EPB41: variants seen among roughly 807,000 people sequenced by gnomAD.
EPB41 encodes the protein protein 4.1.
In EPB41, 65 loss-of-function variants were observed where a neutral mutation model predicts 108.0. That is an observed-to-expected ratio of 0.60 (90% CI 0.49 to 0.74). The LOEUF is 0.74. EPB41 is among the 30% of genes least tolerant of loss of function. The probability of loss-of-function intolerance (pLI) is 0.00; values close to 1 mark genes in which losing one functional copy is unlikely to be tolerated. For missense variants in EPB41, 875 were observed against 1,037.0 expected (o/e 0.84, Z 2.15); for synonymous variants, 336 against 358.9 (o/e 0.94, Z 0.72).
chr1:28,910,826 C>T (rs2092213627), upstream of EPB41, among the ~76,000 whole-genome samples: 1 of 151,968 alleles, frequency 6.6e-6, no homozygotes, highest in South Asian at 2.1e-4. Context: ...CCTGTATTCC[C>T]TAGGAAGGAA....
At chr1:28,891,419 G>T (rs2090102091) in intron 1 of EPB41, among the ~76,000 whole-genome samples, 1 of 152,180 alleles carries the variant, frequency 6.6e-6, no homozygotes. Context: ...GTACCCCAGA[G>T]ACTGAAGGGA....
intron 7 of EPB41, among the ~76,000 whole-genome samples, chr1:29,021,706 CTGAG>C (rs1347062978): frequency 6.6e-6 from 1 of 151,952 alleles, no homozygotes; most frequent in African/African-American, 2.4e-5. Flanking sequence ...CCTCGGCCTC[CTGAG>C]TATCTGGGAC....
intron 2 of EPB41, among the ~76,000 whole-genome samples, chr1:28,991,085 T>C (rs531729336): frequency 2.0e-5 from 3 of 151,924 alleles, no homozygotes; most frequent in African/African-American, 7.2e-5. Flanking sequence ...AAAGGTTTAT[T>C]TGCCTAACCA....
intron 2 of EPB41, chr1:28,989,548 A>G (rs2095956756): frequency 4.6e-6 from 1 of 216,544 alleles, no homozygotes; most frequent in Non-Finnish European, 7.9e-6. Flanking sequence ...TCTTATTAGA[A>G]TATTACATGT....
chr1:29,062,276 C>A (rs1157303521), intron 15 of EPB41, among the ~76,000 whole-genome samples: 1 of 152,198 alleles, frequency 6.6e-6, no homozygotes, highest in African/African-American at 2.4e-5. Flanking sequence ...TATTTCCTGA[C>A]TAGTTCGTCT....
At chr1:28,912,185 T>A (rs1261786273), upstream of EPB41, among the ~76,000 whole-genome samples, 1 of 152,234 alleles carries the variant, frequency 6.6e-6, no homozygotes, top group East Asian at 1.9e-4. Context: ...GAGCGTATAC[T>A]GTTCTGGGAG....
At chr1:28,971,184 T>C (rs796562968) in intron 1 of EPB41, among the ~76,000 whole-genome samples, 71 of 125,508 alleles carry the variant, frequency 5.7e-4, no homozygotes, top group South Asian at 2.8e-3. Context: ...TTCTTTCTTT[T>C]TTTTTTTTTT....
At chr1:29,070,647 A>G in intron 16 of EPB41, 2 of 1,231,994 alleles carry the variant, frequency 1.6e-6, no homozygotes, top group Non-Finnish European at 2.0e-6. Flanking sequence ...TGAAATGTCA[A>G]GACCATTGAA....
intron 4 of EPB41, among the ~76,000 whole-genome samples, chr1:29,001,756 C>G (rs1237037515): frequency 6.6e-6 from 1 of 152,160 alleles, no homozygotes; most frequent in Admixed American, 6.5e-5. Flanking sequence ...TTTTGTTCGT[C>G]TCCCTCCTCC....
In EPB41 at chr1:28,887,777, C is replaced by T. The variant is rs373820941; in HGVS notation, c.-8+567C>T. 3.8e-4 allele frequency: 288 copies of T among 765,838 alleles called. 6 individuals carry two copies. In the East Asian group the frequency reaches 0.021, roughly 57 times the overall value. The allele number at this position is 765,838 out of a possible 1,614,324, so 47.4% of individuals were successfully genotyped here. A position where few individuals can be genotyped will look rare whatever the true frequency, so the allele number is the denominator to read the frequency against. On this transcript the variant is annotated intron_variant, in intron 1 of 16. Coordinates refer to the EPB41 transcript ENST00000347529. The surrounding 1 kb of genome is among the most constrained non-coding windows in gnomAD (Gnocchi z 4.9). Reference sequence around the variant, plus strand: ...GGCTGTGCCCGCCAGGGTGGCCCCCCCGGCCGTCGCGCCAGCCCCACACCC... The same window carrying T: ...GGCTGTGCCCGCCAGGGTGGCCCCCTCGGCCGTCGCGCCAGCCCCACACCC...
chr1:29,038,874 C>T (rs969391275), intron 10 of EPB41, among the ~76,000 whole-genome samples: 1 of 152,146 alleles, frequency 6.6e-6, no homozygotes, highest in Non-Finnish European at 1.5e-5. Flanking sequence ...CTCTGGGCTT[C>T]GACTTTGTTA....
In EPB41 at chr1:29,119,117, C is replaced by T. The variant is rs1196707302; in HGVS notation, c.*2305C>T. 1 of 152,424 alleles carries T rather than the reference C, an allele frequency of 6.6e-6. No homozygotes were observed. The highest frequency in any genetic ancestry group is 2.1e-4 in the South Asian group (1 of 4,832). The allele number at this position is 152,424 out of a possible 1,614,324, so 9.4% of individuals were successfully genotyped here. Reference sequence around the variant, plus strand: ...GTCACCAACTCACTTCTCTCGGCTTCGTTGTCTGTAAATTGGATGAAAAGA... The same window carrying T: ...GTCACCAACTCACTTCTCTCGGCTTTGTTGTCTGTAAATTGGATGAAAAGA... On this transcript the variant is annotated 3_prime_UTR_variant, in exon 21 of 21. Coordinates refer to ENST00000343067, the MANE Select transcript of EPB41 (RefSeq NM_001376013.1).
At chr1:29,051,088 G>GTTTTTTTTTTT (rs71586885) in intron 11 of EPB41, among the ~76,000 whole-genome samples, 1 of 51,576 alleles carries the variant, frequency 1.9e-5, no homozygotes, top group Non-Finnish European at 3.2e-5. Flanking sequence ...TTCTTTTTCT[G>GTTTTTTTTTTT]TTTTTTTTTT....
At chr1:29,055,269 T>A (rs926675806) in intron 12 of EPB41, among the ~76,000 whole-genome samples, 1 of 152,202 alleles carries the variant, frequency 6.6e-6, no homozygotes, top group Non-Finnish European at 1.5e-5. Flanking sequence ...CCAGGCACTT[T>A]TGACTATCCC....
intron 1 of EPB41, among the ~76,000 whole-genome samples, chr1:28,962,955 C>T (rs2095261425): frequency 6.6e-6 from 1 of 151,964 alleles, no homozygotes; most frequent in African/African-American, 2.4e-5. Context: ...TTCTCTATTC[C>T]TTTGTGTAAC....
intron 4 of EPB41, among the ~76,000 whole-genome samples, chr1:29,003,255 CA>C (rs1277588959): frequency 6.6e-6 from 1 of 152,160 alleles, no homozygotes; most frequent in Non-Finnish European, 1.5e-5. Flanking sequence ...TCTGAAAATA[CA>C]GAAGGTAATA....
chr1:29,111,549 A>G (rs141082418), intron 18 of EPB41, among the ~76,000 whole-genome samples: 3,551 of 152,196 alleles, frequency 0.023, 150 homozygotes, highest in African/African-American at 0.081. Context: ...GCTACTTGGG[A>G]GGCTGAGGCA....
Position 29,112,610 on chromosome 1 carries a change from G to A in EPB41, c.2496+162G>A, listed in dbSNP as rs147099612. Among the ~76,000 whole-genome samples, 168 of 152,286 alleles carry A rather than the reference G, an allele frequency of 1.1e-3. No individual in the cohort carries two copies. The highest frequency in any genetic ancestry group is 2.0e-3 in the Non-Finnish European group (133 of 68,038). On this transcript the variant is annotated intron_variant, in intron 19 of 20. Transcript: ENST00000343067. ...AGACAATCAAAGTAAGAGGCCTGTGGGATGGAGGCCACAGATTGAGGAGCC... is the reference window on the plus strand; with the variant it reads ...AGACAATCAAAGTAAGAGGCCTGTGAGATGGAGGCCACAGATTGAGGAGCC...
At chr1:28,904,011 C>A (rs1278392764) in intron 1 of EPB41, among the ~76,000 whole-genome samples, 1 of 151,970 alleles carries the variant, frequency 6.6e-6, no homozygotes, top group Non-Finnish European at 1.5e-5. Context: ...GGATTACAGG[C>A]ACCCACCACT....
Sources: gnomAD v4.1 joint callset for allele counts (sites outside exome capture counted in the v4.1 genomes callset) on GRCh38, gnomAD v4.1.1 for gene constraint, Gnocchi (gnomAD v3.1) non-coding constraint, MANE v1.5 for transcripts, NCBI Gene and HGNC (gene_info 2026-07-23, HGNC 2026-07-21) for gene names.